Variants in PTGR3 observed in about 807,000 individuals in gnomAD.
PTGR3 encodes zinc binding alcohol dehydrogenase domain containing 2.
the PTGR3 span, among the ~76,000 whole-genome samples, chr18:75,207,817 C>T: frequency 2.0e-5 from 3 of 152,192 alleles, no homozygotes; most frequent in African/African-American, 7.2e-5. Flanking sequence ...AGGGACTTTA[C>T]GGTACTTTCT....
At chr18:75,198,461 A>G in the PTGR3 span, 3 of 152,306 alleles carry the variant, frequency 2.0e-5, no homozygotes, top group South Asian at 6.2e-4. Context: ...TCATATAATG[A>G]CAAGTTATAG....
At chr18:75,204,981 A>G in the PTGR3 span, among the ~76,000 whole-genome samples, 2 of 152,096 alleles carry the variant, frequency 1.3e-5, no homozygotes, top group Non-Finnish European at 2.9e-5. Flanking sequence ...GCCGTCTTCT[A>G]AATTGTCTGC....
the PTGR3 span, chr18:75,205,294 G>A: frequency 7.1e-6 from 7 of 985,538 alleles, no homozygotes; most frequent in Non-Finnish European, 8.4e-6. Flanking sequence ...GGGAGCAGGG[G>A]CGGAAGGGCC....
At chr18:75,201,396 T>C in the PTGR3 span, 1 of 1,583,710 alleles carries the variant, frequency 6.3e-7, no homozygotes. Context: ...TCTCCCTTGA[T>C]TTATGTCATT....
chr18:75,206,333 A>C, the PTGR3 span, among the ~76,000 whole-genome samples: 2 of 152,342 alleles, frequency 1.3e-5, no homozygotes, highest in East Asian at 3.9e-4. Flanking sequence ...CACTGAAAGA[A>C]AAAAAATCAG....
chr18:75,204,260 CT>C, the PTGR3 span, among the ~76,000 whole-genome samples: 5 of 152,216 alleles, frequency 3.3e-5, no homozygotes, highest in African/African-American at 9.6e-5. Flanking sequence ...GCAACCCCCC[CT>C]CTCCCCGCCC....
At chr18:75,202,651 A>G in the PTGR3 span, among the ~76,000 whole-genome samples, 1 of 151,150 alleles carries the variant, frequency 6.6e-6, no homozygotes, top group East Asian at 1.9e-4. Flanking sequence ...TCTTCTTTCA[A>G]AAGTAGAAAT....
At chr18:75,207,824 T>G in the PTGR3 span, among the ~76,000 whole-genome samples, 1 of 152,218 alleles carries the variant, frequency 6.6e-6, no homozygotes, top group Non-Finnish European at 1.5e-5. Flanking sequence ...TTACGGTACT[T>G]TCTAGTACAC....
At chr18:75,206,414 G>A in the PTGR3 span, among the ~76,000 whole-genome samples, 1 of 152,172 alleles carries the variant, frequency 6.6e-6, no homozygotes, top group African/African-American at 2.4e-5. Context: ...TTCTAGAGCG[G>A]ATTTTAAGAT....
At chr18:75,206,544 A>T in the PTGR3 span, among the ~76,000 whole-genome samples, 1 of 152,218 alleles carries the variant, frequency 6.6e-6, no homozygotes, top group Non-Finnish European at 1.5e-5. Flanking sequence ...TTCTTAAAAA[A>T]TTCGGTAAAA....
the PTGR3 span, chr18:75,197,453 C>T: frequency 9.9e-5 from 15 of 152,086 alleles, no homozygotes; most frequent in Admixed American, 3.9e-4. Flanking sequence ...AACTTTAAAG[C>T]GACCACACCA....
At chr18:75,209,019 C>T in the PTGR3 span, 1 of 1,579,410 alleles carries the variant, frequency 6.3e-7, no homozygotes, top group Non-Finnish European at 8.6e-7. This position sits in a 1 kb window ranked among gnomAD's most constrained non-coding sequence, Gnocchi z 4.7. Context: ...TACGACATGT[C>T]CACGATGGCC....
chr18:75,208,914 C>T, the PTGR3 span: 13 of 1,577,620 alleles, frequency 8.2e-6, no homozygotes, highest in African/African-American at 1.7e-4. Flanking sequence ...CTCAGGGTGA[C>T]GGCCTCGCGG....
the PTGR3 span, chr18:75,198,636 G>A: frequency 1.3e-5 from 2 of 152,034 alleles, no homozygotes; most frequent in African/African-American, 4.8e-5. Context: ...AATAGCATTT[G>A]GCTCTTTAGA....
chr18:75,200,813 T>C, the PTGR3 span: 1 of 152,250 alleles, frequency 6.6e-6, no homozygotes, highest in Non-Finnish European at 1.5e-5. Flanking sequence ...TACGTGCTAC[T>C]TCTTCAAAAC....
At chr18:75,201,588 T>C in the PTGR3 span, 1 of 1,614,004 alleles carries the variant, frequency 6.2e-7, no homozygotes, top group Non-Finnish European at 8.5e-7. Flanking sequence ...CACACACATC[T>C]CGAGCAAGTG....
At chr18:75,197,096 T>G in the PTGR3 span, 6 of 152,144 alleles carry the variant, frequency 3.9e-5, no homozygotes, top group Non-Finnish European at 8.8e-5. Flanking sequence ...AGCAGTAAGG[T>G]TCTCATGCCA....
chr18:75,205,122 T>G, the PTGR3 span: 1 of 983,160 alleles, frequency 1.0e-6, no homozygotes, highest in Non-Finnish European at 1.2e-6. Flanking sequence ...CCGGGATCCC[T>G]GCTTTGACGC....
chr18:75,198,698 G>A, the PTGR3 span: 1 of 152,148 alleles, frequency 6.6e-6, no homozygotes, highest in South Asian at 2.1e-4. Flanking sequence ...TTCTCAAAGA[G>A]GCAAGCTCCT....
Sources: gnomAD v4.1 joint callset for allele counts (sites outside exome capture counted in the v4.1 genomes callset) on GRCh38, gnomAD v4.1.1 for gene constraint, Gnocchi (gnomAD v3.1) non-coding constraint, MANE v1.5 for transcripts, NCBI Gene and HGNC (gene_info 2026-07-23, HGNC 2026-07-21) for gene names.